The following DOCK2 variants were observed in gnomAD, a reference collection of about 807,000 sequenced individuals.
DOCK2 encodes the protein dedicator of cytokinesis 2, also known as dedicator of cytokinesis protein 2.
A neutral mutation model predicts 248.9 loss-of-function variants in DOCK2; 87 were observed. That is an observed-to-expected ratio of 0.35 (90% CI 0.29 to 0.42). DOCK2 has a LOEUF of 0.42. DOCK2 is among the 10% of genes least tolerant of loss of function. The pLI, the probability that DOCK2 is intolerant of heterozygous loss-of-function variation, is 1.00. For synonymous variants in DOCK2, 805 were observed against 821.6 expected (o/e 0.98, Z 0.35); for missense variants, 1,747 against 2,300.2 (o/e 0.76, Z 4.92).
chr5:169,865,106 C>T (rs1456910515), intron 27 of DOCK2, among the ~76,000 whole-genome samples: 3 of 152,206 alleles, frequency 2.0e-5, no homozygotes, highest in Non-Finnish European at 4.4e-5. Flanking sequence ...ACATGTAAGA[C>T]TGCCTTGTAG....
At chr5:169,974,080 C>T (rs1319326754) in intron 27 of DOCK2, among the ~76,000 whole-genome samples, 1 of 152,116 alleles carries the variant, frequency 6.6e-6, no homozygotes, top group Non-Finnish European at 1.5e-5. Flanking sequence ...TAAGATCATA[C>T]CATGGTTGCA....
chr5:169,667,160 G>C (rs149641680), intron 2 of DOCK2, among the ~76,000 whole-genome samples: 2 of 152,114 alleles, frequency 1.3e-5, no homozygotes, highest in Middle Eastern at 3.4e-3. Flanking sequence ...TTGGTCCCTC[G>C]ATTGTTTTTC....
rs1561913822 is a variant in DOCK2, at chr5:170,082,868, G to T, written c.*10G>T. On this transcript the variant is annotated 3_prime_UTR_variant, in exon 52 of 52. Coordinates refer to ENST00000520908, the MANE Select transcript of DOCK2 (RefSeq NM_004946.3). The stretch of plus-strand genomic sequence containing the variant: ...GTCCACGGACCTGTGAGCTGCTGCT[G>T]ACTAGGGCTGCATGGGAGAGCCAGG... 1 of 1,614,200 alleles carries T rather than the reference G, an allele frequency of 6.2e-7. No homozygotes were observed. The highest frequency in any genetic ancestry group is 1.3e-5 in the African/African-American group (1 of 75,068).
At chr5:170,063,160 C>A (rs1757387754) in intron 44 of DOCK2, among the ~76,000 whole-genome samples, 1 of 152,186 alleles carries the variant, frequency 6.6e-6, no homozygotes, top group South Asian at 2.1e-4. Context: ...TTTATACAGG[C>A]ATGAAAGCAC....
chr5:169,747,286 A>G (rs994335780), intron 22 of DOCK2, 110 bp from the exon 23 acceptor site: 4 of 922,314 alleles, frequency 4.3e-6, no homozygotes, highest in Non-Finnish European at 6.4e-6. Context: ...TGAAGTCCCC[A>G]CCTCCCACTC....
At chr5:169,930,048 T>C (rs1180805623) in intron 27 of DOCK2, among the ~76,000 whole-genome samples, 1 of 152,230 alleles carries the variant, frequency 6.6e-6, no homozygotes, top group Non-Finnish European at 1.5e-5. Flanking sequence ...TGGAGTGCAG[T>C]GGCACGATCT....
Position 169,648,925 on chromosome 5 carries a change from G to A in DOCK2, c.44-5478G>A, listed in dbSNP as rs527397334. Among the ~76,000 whole-genome samples, 36 of 152,282 alleles carry A rather than the reference G, an allele frequency of 2.4e-4. 3 individuals are homozygous for A. In the South Asian group the frequency reaches 7.0e-3, roughly 30 times the overall value. On this transcript the variant is annotated intron_variant, in intron 1 of 51. Coordinates refer to ENST00000520908, the MANE Select transcript of DOCK2 (RefSeq NM_004946.3). ...CCTCATTTGCTGCTGACTAGCGCCCGCCCGGGTTTGAGCTCTGGGGTGGCT... is the reference window on the plus strand; with the variant it reads ...CCTCATTTGCTGCTGACTAGCGCCCACCCGGGTTTGAGCTCTGGGGTGGCT...
At chr5:169,815,438 G>C (rs916309628) in intron 26 of DOCK2, among the ~76,000 whole-genome samples, 7 of 152,098 alleles carry the variant, frequency 4.6e-5, no homozygotes, top group African/African-American at 1.7e-4. Context: ...ATGCACGATG[G>C]CCTCACACAC....
intron 8 of DOCK2, 75 bp downstream of exon 8, chr5:169,684,425 C>T (rs1759839485): frequency 7.8e-6 from 12 of 1,544,158 alleles, no homozygotes; most frequent in Middle Eastern, 1.9e-4. Flanking sequence ...TTTCCATCCT[C>T]ACTTGTGGAG....
intron 27 of DOCK2, among the ~76,000 whole-genome samples, chr5:169,936,394 G>A (rs1775997158): frequency 6.6e-6 from 1 of 152,046 alleles, no homozygotes; most frequent in Non-Finnish European, 1.5e-5. Flanking sequence ...TTTTAGGAGA[G>A]GAAACTGAGG....
At position 169,709,892 on chromosome 5, in the gene DOCK2, C is replaced by T. The variant is rs561599590; in HGVS notation, c.1482+1625C>T. 9.2e-5 allele frequency among the ~76,000 whole-genome samples: 14 copies of T among 152,302 alleles called. 1 individual carries two copies. The South Asian group carries it at 2.3e-3, about 25-fold the overall frequency. ...CAAAAGGAAATAAGAATGCAGAGCA[C>T]GTCCCAAAACTCGTTGACTACCGAG... On this transcript the variant is annotated intron_variant, in intron 15 of 51. Coordinates refer to ENST00000520908, the MANE Select transcript of DOCK2 (RefSeq NM_004946.3).
At chr5:170,002,781 CA>C (rs951916108) in intron 30 of DOCK2, among the ~76,000 whole-genome samples, 29 of 152,054 alleles carry the variant, frequency 1.9e-4, no homozygotes, top group Non-Finnish European at 2.9e-5. Context: ...CCTATAATTT[CA>C]AAATATTAAA....
chr5:169,758,487 T>G (rs1764309419), intron 23 of DOCK2, among the ~76,000 whole-genome samples: 1 of 152,120 alleles, frequency 6.6e-6, no homozygotes, highest in Admixed American at 6.5e-5. Flanking sequence ...AATTTAAAAA[T>G]TATAAACAAG....
intron 27 of DOCK2, among the ~76,000 whole-genome samples, chr5:169,909,786 G>A (rs1224172360): frequency 3.3e-5 from 5 of 152,130 alleles, no homozygotes; most frequent in Non-Finnish European, 7.4e-5. Flanking sequence ...CACTTACAAG[G>A]ATTATTATCA....
intron 22 of DOCK2, among the ~76,000 whole-genome samples, chr5:169,732,775 A>G (rs531843188): frequency 1.1e-4 from 17 of 152,130 alleles, no homozygotes; most frequent in Non-Finnish European, 2.2e-4. Flanking sequence ...TGCTTTCTCC[A>G]GTGGTCTTGC....
intron 35 of DOCK2, among the ~76,000 whole-genome samples, chr5:170,035,373 G>A (rs930033938): frequency 9.9e-5 from 15 of 152,132 alleles, no homozygotes; most frequent in Admixed American, 3.9e-4. Context: ...TCTGTTGTGT[G>A]GCCTCCCTTT....
chr5:170,018,863 A>G (rs931600453), intron 32 of DOCK2, 97 bp from the exon 33 acceptor site: 12 of 1,453,600 alleles, frequency 8.3e-6, no homozygotes, highest in South Asian at 2.7e-5. Flanking sequence ...TGTTTTTACT[A>G]TTATGCTTCC....
chr5:169,647,280 A>G (rs1161475046), intron 1 of DOCK2, among the ~76,000 whole-genome samples: 1 of 148,350 alleles, frequency 6.7e-6, no homozygotes, highest in African/African-American at 2.5e-5. Flanking sequence ...TCATAGGTGG[A>G]TGGATAGTTG....
chr5:169,758,241 C>T (rs557119766), intron 23 of DOCK2, among the ~76,000 whole-genome samples: 2 of 152,232 alleles, frequency 1.3e-5, no homozygotes, highest in South Asian at 4.1e-4. Context: ...CTACAAAAAG[C>T]AAGTTGCAGA....
Sources: allele counts gnomAD v4.1 joint callset (sites outside exome capture counted in the v4.1 genomes callset), GRCh38; gene constraint gnomAD v4.1.1; transcripts MANE v1.5; gene names NCBI Gene and HGNC (gene_info 2026-07-23, HGNC 2026-07-21).